The following KLF11 variants were observed in gnomAD, a reference collection of about 807,000 sequenced individuals.
The protein encoded by KLF11 is KLF transcription factor 11, also known as Krueppel-like factor 11.
In KLF11, 26 loss-of-function variants were observed where a neutral mutation model predicts 29.9. The ratio of observed to expected loss-of-function variants is 0.87; its 90% CI spans 0.64 to 1.21. The LOEUF is 1.21. KLF11 is among the 50% of genes most tolerant of loss of function. KLF11 has a pLI of 0.00. For synonymous variants in KLF11, 318 were observed against 257.4 expected, an observed-to-expected ratio of 1.24 and a Z score of -2.25; for missense variants, 778 against 665.7, an observed-to-expected ratio of 1.17 and a Z score of -1.86.
chr2:10,054,816 A>G lies in KLF11; in HGVS notation c.*2309A>G, dbSNP rs1262272922. On this transcript the variant is annotated 3_prime_UTR_variant, in exon 4 of 4. Transcript: ENST00000305883. ...AATGTAACTTTTCTCTTTGAATCAT[A>G]TAAAACTTGATTTTACATTGGATGT... 1 of 152,374 alleles carries G rather than the reference A, an allele frequency of 6.6e-6. No individual in the cohort carries two copies. The highest frequency in any genetic ancestry group is 2.4e-5 in the African/African-American group (1 of 41,460). The allele number at this position is 152,374 out of a possible 1,614,324, so 9.4% of individuals were successfully genotyped here.
chr2:10,052,733 T>G lies in KLF11; in HGVS notation c.*226T>G. ...AAGTTTTTTTGTTTTGGTTTTTTTT[T>G]TAAAGAAATGGTAGAAAATTTGATA... On this transcript the variant is annotated 3_prime_UTR_variant, in exon 4 of 4. Transcript: ENST00000305883. 1 of 505,500 alleles carries G rather than the reference T, an allele frequency of 2.0e-6. No individual in the cohort carries two copies. The allele number at this position is 505,500 out of a possible 1,614,324, so 31.3% of individuals were successfully genotyped here.
In KLF11 at chr2:10,052,168, C is replaced by T. The variant is rs77596732; in HGVS notation, c.1259-59C>T. On this transcript the variant is annotated intron_variant, in intron 3 of 3. Transcript: ENST00000305883. ...GATTTTAAAATGACATGAATTAACC[C>T]CTTGAATAAGGTGCTTAGCGTTTCC... 260 of 1,509,878 alleles carry T rather than the reference C, an allele frequency of 1.7e-4. No individual in the cohort carries two copies. The African/African-American group carries it at 3.2e-3, about 19-fold the overall frequency. The allele number at this position is 1,509,878 out of a possible 1,614,324, so 93.5% of individuals were successfully genotyped here. A position where few individuals can be genotyped will look rare whatever the true frequency, so the allele number is the denominator to read the frequency against.
chr2:10,045,043 G>C lies in KLF11; in HGVS notation c.43-1107G>C, dbSNP rs140630615. 1.1e-3 allele frequency among the ~76,000 whole-genome samples: 160 copies of C among 152,340 alleles called. 1 individual carries two copies. Among genetic ancestry groups the C allele is most frequent in the African/African-American group, 3.7e-3 (154 of 41,568 alleles). ...CGCCTGTAATCCCAGCTACTGGGGA[G>C]GCTGAGGCAGGAGAGTCGCTTGAAC... On this transcript the variant is annotated intron_variant, in intron 1 of 3. Coordinates refer to ENST00000305883, the MANE Select transcript of KLF11 (RefSeq NM_003597.5).
chr2:10,048,900 G>A (rs1222752026), intron 3 of KLF11, among the ~76,000 whole-genome samples: 1 of 131,910 alleles, frequency 7.6e-6, no homozygotes, highest in East Asian at 2.3e-4. Context: ...TGCAGTAGAC[G>A]TTTCATCCTT....
At chr2:10,051,988 A>G (rs1661420037) in intron 3 of KLF11, among the ~76,000 whole-genome samples, 6 of 152,110 alleles carry the variant, frequency 3.9e-5, no homozygotes, top group Admixed American at 3.9e-4. Context: ...ATTTATTTTT[A>G]AATATATTTT....
In KLF11 at chr2:10,047,384, T is replaced by C. The variant is rs148702019; in HGVS notation, c.313-266T>C. On this transcript the variant is annotated intron_variant, in intron 2 of 3. Coordinates refer to ENST00000305883, the MANE Select transcript of KLF11 (RefSeq NM_003597.5). ...AAGGGCCTGTGGGTTGTCGGGAGGG[T>C]TGCAGAAGTGGTGGGCCTGGCGGCC... Among the ~76,000 whole-genome samples the C allele has an allele frequency of 4.4e-3, 662 of 152,162 alleles. 9 individuals are homozygous for C. Among genetic ancestry groups the C allele is most frequent in the African/African-American group, 0.015 (620 of 41,502 alleles).
intron 1 of KLF11, chr2:10,044,487 C>G (rs1661116888): frequency 1.0e-5 from 10 of 970,916 alleles, no homozygotes; most frequent in Non-Finnish European, 8.6e-6. Context: ...TGTGACATCA[C>G]AGGGGGTTTA....
Position 10,048,411 on chromosome 2 carries a change from C to A in KLF11, c.1074C>A (p.Val358=). 6.2e-7 allele frequency: 1 copy of A among 1,614,128 alleles called. No homozygotes were observed. Among genetic ancestry groups the A allele is most frequent in the South Asian group, 1.1e-5 (1 of 91,082 alleles). ...CGCCTGCCCCCTGTGCAGCCAATGT[C>A]ATGGCTGCCGGGAATACCAAGTTGT... ...LPPPAPCAAN[V]MAAGNTKLLP... The change falls in exon 3 of 4, where the codon GTC becomes GTA. Residue 358 remains valine, a synonymous_variant. Transcript: ENST00000305883.
At chr2:10,052,159 G>T in intron 3 of KLF11, 68 bp from the exon 4 acceptor site, 1 of 1,459,072 alleles carries the variant, frequency 6.9e-7, no homozygotes, top group South Asian at 1.1e-5. Context: ...AAAATGACAT[G>T]AATTAACCCC....
Position 10,051,619 on chromosome 2 carries a change from A to G in KLF11, c.1259-608A>G, listed in dbSNP as rs986208205. Among the ~76,000 whole-genome samples, 4 of 151,834 alleles carry G rather than the reference A, an allele frequency of 2.6e-5. No homozygotes were observed. The East Asian group carries it at 5.8e-4, about 22-fold the overall frequency. On this transcript the variant is annotated intron_variant, in intron 3 of 3. Transcript: ENST00000305883. ...TGCAAGCTCTGCCTCCCGGGTTCAC[A>G]CCATTCTCCTGCCTTAGCCTCCCAA...
chr2:10,047,198 T>C lies in KLF11; in HGVS notation c.313-452T>C, dbSNP rs1661234414. On this transcript the variant is annotated intron_variant, in intron 2 of 3. Transcript: ENST00000305883. ...AGTAAGTCACTCTTGCTTTTTGTTT[T>C]TTTAATTTGCTACATCTGTGAAAGT... is the stretch of plus-strand genomic sequence containing the variant. Among the ~76,000 whole-genome samples, 9 of 152,360 alleles carry C rather than the reference T, an allele frequency of 5.9e-5. No homozygotes were observed. The South Asian group carries it at 1.9e-3, about 32-fold the overall frequency.
chr2:10,047,953 C>T lies in KLF11; in HGVS notation c.616C>T (p.Gln206Ter). The T allele has an allele frequency of 6.2e-7, 1 of 1,613,950 alleles. No individual in the cohort carries two copies. Among genetic ancestry groups the T allele is most frequent in the South Asian group, 1.1e-5 (1 of 91,084 alleles). Reference sequence around the variant, plus strand: ...TTCTGACAGCAGAGAAGGAGAAGAGCAGCTTCTGGGACACTTTGAAACTTT... The same window carrying T: ...TTCTGACAGCAGAGAAGGAGAAGAGTAGCTTCTGGGACACTTTGAAACTTT... ...RLSDSREGEE[Q>*]LLGHFETLQD... The change falls in exon 3 of 4, where the codon CAG becomes TAG. Residue 206 changes from glutamine to a stop codon, truncating the protein, a stop_gained. Coordinates refer to ENST00000305883, the MANE Select transcript of KLF11 (RefSeq NM_003597.5). LOFTEE classifies it high-confidence loss of function.
In KLF11 at chr2:10,048,239, C is replaced by G. The variant is rs1213098265; in HGVS notation, c.902C>G (p.Ala301Gly). 6.2e-7 allele frequency: 1 copy of G among 1,613,212 alleles called. No individual in the cohort carries two copies. Among genetic ancestry groups the G allele is most frequent in the South Asian group, 1.1e-5 (1 of 91,038 alleles). The change falls in exon 3 of 4, where the codon GCT (alanine) becomes GGT (glycine). Residue 301 changes from alanine to glycine, a missense_variant. Physicochemically the swap from Ala to Gly is moderately conservative, Grantham distance 60. Coordinates refer to ENST00000305883, the MANE Select transcript of KLF11 (RefSeq NM_003597.5). ...ACTGGACAAAGTAGCATGTTACCAGCTTTTTTGAAGCCCCCTCCCCAGTTG... is the reference window on the plus strand; with the variant it reads ...ACTGGACAAAGTAGCATGTTACCAGGTTTTTTGAAGCCCCCTCCCCAGTTG... ...PVTGQSSMLP[A>G]FLKPPPQLSV...
intron 1 of KLF11, among the ~76,000 whole-genome samples, chr2:10,045,603 CTG>C (rs1436583577): frequency 6.6e-6 from 1 of 152,266 alleles, no homozygotes; most frequent in Non-Finnish European, 1.5e-5. Flanking sequence ...ACTCCCGAAT[CTG>C]TGGAGGGAAC....
chr2:10,053,425 G>T lies in KLF11; in HGVS notation c.*918G>T, dbSNP rs1165047259. On this transcript the variant is annotated 3_prime_UTR_variant, in exon 4 of 4. Transcript: ENST00000305883. ...TGTCAGTTCTGACTCCTTTTGCTGT[G>T]GCCTTATCCGTACTATATTGTGGGT... 2.5e-6 allele frequency: 1 copy of T among 398,462 alleles called. No individual in the cohort carries two copies. Among genetic ancestry groups the T allele is most frequent in the Non-Finnish European group, 4.4e-6 (1 of 226,070 alleles). 24.7% of individuals were successfully genotyped at this position (398,462 alleles called of 1,614,324 possible).
chr2:10,052,293 C>CA lies in KLF11; in HGVS notation c.1326dup (p.Arg443ThrfsTer18). The stretch of plus-strand genomic sequence containing the variant: ...AAGTTTGCTCGTTCGGATGAGCTGT[C>CA]ACGCCACCGCAGAACTCACACAGGG... On this transcript the variant is annotated frameshift_variant, in exon 4 of 4. Transcript: ENST00000305883. LOFTEE classifies it high-confidence loss of function. 6.2e-7 allele frequency: 1 copy of CA among 1,614,168 alleles called. No individual in the cohort carries two copies. The highest frequency in any genetic ancestry group is 8.5e-7 in the Non-Finnish European group (1 of 1,180,036).
intron 1 of KLF11, chr2:10,044,154 G>A: frequency 6.3e-6 from 1 of 159,030 alleles, no homozygotes; most frequent in Non-Finnish European, 7.5e-6. Context: ...CGGGAACGCG[G>A]CACGGTTTTG....
intron 2 of KLF11, among the ~76,000 whole-genome samples, chr2:10,046,919 T>TATGG (rs1219400477): frequency 6.6e-6 from 1 of 152,254 alleles, no homozygotes; most frequent in Non-Finnish European, 1.5e-5. Flanking sequence ...GTGCTCTTTC[T>TATGG]ATGGATGGAT....
chr2:10,047,787 C>T lies in KLF11; in HGVS notation c.450C>T (p.Ser150=), dbSNP rs778040603. ...CTGCCGTAGTGGCCAGAGCTCTGAGCGGGGGCGCGGAGAGGGGCTTGCTGG... is the reference window on the plus strand; with the variant it reads ...CTGCCGTAGTGGCCAGAGCTCTGAGTGGGGGCGCGGAGAGGGGCTTGCTGG... The part of the protein sequence containing the change: ...QSSAVVARAL[S]GGAERGLLGL... Residue 150 remains serine, a synonymous_variant, in exon 3 of 4, where the codon AGC becomes AGT. Transcript: ENST00000305883. 5.6e-6 allele frequency: 9 copies of T among 1,613,540 alleles called. No homozygotes were observed. The highest frequency in any genetic ancestry group is 1.6e-4 in the Middle Eastern group (1 of 6,062).
Sources: allele counts gnomAD v4.1 joint callset (sites outside exome capture counted in the v4.1 genomes callset), GRCh38; gene constraint gnomAD v4.1.1; transcripts MANE v1.5; gene names NCBI Gene and HGNC (gene_info 2026-07-23, HGNC 2026-07-21).